KMT2B: variants seen among roughly 807,000 people sequenced by gnomAD.
The protein encoded by KMT2B is histone-lysine N-methyltransferase 2B.
In KMT2B, 22 loss-of-function variants were observed where a neutral mutation model predicts 255.3. The observed-to-expected ratio is 0.09, with a 90% CI of 0.06 to 0.12. The LOEUF (loss-of-function observed/expected upper bound fraction) is 0.12, where lower values mean the gene tolerates loss of function less well. Among genes scored for constraint, KMT2B ranks in the 10% least tolerant of loss-of-function variants. The pLI is 1.00. For synonymous variants in KMT2B, 1,730 were observed against 1,498.1 expected, an observed-to-expected ratio of 1.15 and a Z score of -3.57; for missense variants, 3,149 against 3,737.0, an observed-to-expected ratio of 0.84 and a Z score of 4.10.
chr19:35,738,401 C>A lies in KMT2B; in HGVS notation c.7992C>A (p.Ile2664=), dbSNP rs766745514. 6.2e-7 allele frequency: 1 copy of A among 1,614,156 alleles called. No individual in the cohort carries two copies. The highest frequency in any genetic ancestry group is 1.1e-5 in the South Asian group (1 of 91,088). ...SCEPNCFSRV[I]HVEGQKHIVI... ...AGCCCAACTGCTTCTCTCGGGTCAT[C>A]CACGTGGAGGGCCAGAAACACATTG... The change falls in exon 37 of 37, where the codon ATC becomes ATA. Residue 2664 remains isoleucine (I), a synonymous_variant. Transcript: ENST00000420124. This position sits in a 1 kb window ranked among gnomAD's most constrained non-coding sequence, Gnocchi z 8.7.
intron 30 of KMT2B, chr19:35,736,316 G>A: frequency 5.3e-6 from 1 of 189,312 alleles, no homozygotes; most frequent in East Asian, 1.3e-4. Flanking sequence ...AAATAGATGT[G>A]CAAAATACAA....
Position 35,722,488 on chromosome 19 carries a change from A to C in KMT2B, c.2571+16A>C, listed in dbSNP as rs779814951. On this transcript the variant is annotated intron_variant, in intron 4 of 36. Coordinates refer to ENST00000420124, the MANE Select transcript of KMT2B (RefSeq NM_014727.3). ...GCGGCCCTCAGTATGCATCGGGAGGAGGGCCCTGAAGAAGACTGGCGGGAG... is the reference window on the plus strand; with the variant it reads ...GCGGCCCTCAGTATGCATCGGGAGGCGGGCCCTGAAGAAGACTGGCGGGAG... The C allele has an allele frequency of 6.2e-7, 1 of 1,605,134 alleles. No individual in the cohort carries two copies. Among genetic ancestry groups the C allele is most frequent in the Admixed American group, 1.7e-5 (1 of 59,784 alleles).
Position 35,727,847 on chromosome 19 carries a change from G to A in KMT2B, c.4393-34G>A. 6.2e-7 allele frequency: 1 copy of A among 1,612,324 alleles called. No individual in the cohort carries two copies. Among genetic ancestry groups the A allele is most frequent in the Non-Finnish European group, 8.5e-7 (1 of 1,178,612 alleles). On this transcript the variant is annotated intron_variant, in intron 17 of 36. Transcript: ENST00000420124. The surrounding 1 kb of genome is among the most constrained non-coding windows in gnomAD (Gnocchi z 4.2). Reference sequence around the variant, plus strand: ...AGGAGGAGAGGGCTGGAATTGTGCAGAGGGGACTCAGTCTCTGACAAACCC... The same window carrying A: ...AGGAGGAGAGGGCTGGAATTGTGCAAAGGGGACTCAGTCTCTGACAAACCC...
rs775330360 is a variant in KMT2B at position 35,721,059 on chromosome 19, C to T, written c.1712C>T (p.Pro571Leu). The change falls in exon 3 of 37, where the codon CCA (proline) becomes CTA (leucine). Residue 571 changes from proline to leucine, a missense_variant. Pro to Leu is a moderately conservative substitution (Grantham distance 98). Transcript: ENST00000420124. ...PVLRPPITTS[P>L]PVPQEPAPVP... ...CTGCGACCTCCCATTACCACCTCCC[C>T]ACCTGTTCCCCAGGAGCCAGCACCA... The T allele has an allele frequency of 6.2e-7, 1 of 1,610,738 alleles. No individual in the cohort carries two copies. The highest frequency in any genetic ancestry group is 1.1e-5 in the South Asian group (1 of 90,290).
At position 35,738,036 on chromosome 19, in the gene KMT2B, A is replaced by G; in HGVS notation, c.7743-26A>G. 1 of 1,613,702 alleles carries G rather than the reference A, an allele frequency of 6.2e-7. No homozygotes were observed. The highest frequency in any genetic ancestry group is 1.3e-5 in the African/African-American group (1 of 74,970). On this transcript the variant is annotated intron_variant, in intron 35 of 36. Coordinates refer to ENST00000420124, the MANE Select transcript of KMT2B (RefSeq NM_014727.3). The surrounding 1 kb of genome is among the most constrained non-coding windows in gnomAD (Gnocchi z 8.7). Reference sequence around the variant, plus strand: ...CTGGTTTCTGTCCCCCTCCCCCCTGAGTTCCCTGTTCATCCTGCCCTGCAG... The same window carrying G: ...CTGGTTTCTGTCCCCCTCCCCCCTGGGTTCCCTGTTCATCCTGCCCTGCAG...
chr19:35,732,977 C>G lies in KMT2B; in HGVS notation c.6428C>G (p.Ala2143Gly). 1.2e-6 allele frequency: 2 copies of G among 1,602,664 alleles called. No individual in the cohort carries two copies. Among genetic ancestry groups the G allele is most frequent in the Non-Finnish European group, 1.7e-6 (2 of 1,175,396 alleles). The change falls in exon 28 of 37, where the codon GCT (alanine) becomes GGT (glycine). Residue 2143 changes from alanine (A) to glycine (G), a missense_variant. Physicochemically the swap from Ala to Gly is moderately conservative, Grantham distance 60. This residue lies in a region of KMT2B where 897 missense variants were observed against 825.3 expected (regional missense o/e 1.09). Coordinates refer to ENST00000420124, the MANE Select transcript of KMT2B (RefSeq NM_014727.3). ...TCACTCCCCCCGGCGCCTCCCCTGG[C>G]TAATGGCAGCCAGCCCTCCCAAGGC... Reference protein sequence around the residue: ...EESLPPAPPLANGSQPSQGLT... With the variant: ...EESLPPAPPLGNGSQPSQGLT...
Position 35,728,112 on chromosome 19 carries a change from G to C in KMT2B, c.4512G>C (p.Ala1504=), listed in dbSNP as rs371795012. 1.3e-6 allele frequency: 2 copies of C among 1,597,918 alleles called. No individual in the cohort carries two copies. The highest frequency in any genetic ancestry group is 1.3e-5 in the African/African-American group (1 of 74,518). Residue 1504 remains alanine (A), a synonymous_variant, in exon 19 of 37, where the codon GCG becomes GCC. Transcript: ENST00000420124. ...CCACTCCCCAGCTGCTAGAATCTGCGTTCGGCTGGTTCGACGCCCACGACC... is the reference window on the plus strand; with the variant it reads ...CCACTCCCCAGCTGCTAGAATCTGCCTTCGGCTGGTTCGACGCCCACGACC... The part of the protein sequence containing the change: ...KGLLLKLLES[A]FGWFDAHDPK...
chr19:35,724,358 T>C (rs923984113), intron 8 of KMT2B, among the ~76,000 whole-genome samples: 1 of 152,092 alleles, frequency 6.6e-6, no homozygotes. Flanking sequence ...GTTAGTTGTA[T>C]GTGGTGGCAC....
At position 35,719,778 on chromosome 19, in the gene KMT2B, T is replaced by C. The variant is rs753578199; in HGVS notation, c.437-6T>C. ...ATCCATCTCCCCACAACTATTCTCC[T>C]TTTAGGTCGAGCGCCCCGAGGTCGG... On this transcript the variant is annotated splice_region_variant and splice_polypyrimidine_tract_variant and intron_variant, in intron 2 of 36. Coordinates refer to ENST00000420124, the MANE Select transcript of KMT2B (RefSeq NM_014727.3). The C allele has an allele frequency of 2.3e-5, 37 of 1,578,970 alleles. No individual in the cohort carries two copies. Among genetic ancestry groups the C allele is most frequent in the Non-Finnish European group, 2.9e-5 (34 of 1,163,756 alleles).
Position 35,732,027 on chromosome 19 carries a change from C to T in KMT2B, c.5557C>T (p.Pro1853Ser), listed in dbSNP as rs1969716532. The change falls in exon 27 of 37, where the codon CCT becomes TCT. Residue 1853 changes from proline (P) to serine (S), a missense_variant. This residue lies in a region of KMT2B where 897 missense variants were observed against 825.3 expected (regional missense o/e 1.09). Transcript: ENST00000420124. ...ACTGCGGCCAGATTCAGGCAGCGCC[C>T]CTCCTCCAGCCCCCCGTTCTTTTTC... The part of the protein sequence containing the change: ...PPLRPDSGSA[P>S]PPAPRSFSGA... 3 of 1,613,186 alleles carry T rather than the reference C, an allele frequency of 1.9e-6. No homozygotes were observed. The highest frequency in any genetic ancestry group is 2.2e-5 in the East Asian group (1 of 44,844).
intron 30 of KMT2B, chr19:35,735,229 G>A (rs1043737410): frequency 2.0e-5 from 3 of 152,490 alleles, no homozygotes; most frequent in African/African-American, 7.2e-5. Context: ...TTGGGGCAGG[G>A]GAGGTGGGGC....
intron 30 of KMT2B, chr19:35,736,440 C>A: frequency 1.9e-6 from 1 of 519,650 alleles, no homozygotes; most frequent in South Asian, 2.4e-5. Context: ...CAAAAGGCCC[C>A]AAGCCTCTGT....
chr19:35,733,139 TG>T lies in KMT2B; in HGVS notation c.6594del (p.Gln2199LysfsTer4). ...TCCAAAATCATACTTGTCAACAAGC[TG>T]GGGCAAGTATTTGTGAAGATGGCTG... is the stretch of plus-strand genomic sequence containing the variant. ...ATSKIILVNK[L>X]GQVFVKMAGE... On this transcript the variant is annotated frameshift_variant, in exon 28 of 37. Coordinates refer to ENST00000420124, the MANE Select transcript of KMT2B (RefSeq NM_014727.3). LOFTEE classifies it high-confidence loss of function. This position sits in a 1 kb window ranked among gnomAD's most constrained non-coding sequence, Gnocchi z 4.3. 1 of 1,586,866 alleles carries T rather than the reference TG, an allele frequency of 6.3e-7. No individual in the cohort carries two copies. Among genetic ancestry groups the T allele is most frequent in the Non-Finnish European group, 8.6e-7 (1 of 1,166,280 alleles).
At chr19:35,736,643 G>C (rs1328389423) in intron 30 of KMT2B, 47 bp from the exon 31 acceptor site, 2 of 1,604,246 alleles carry the variant, frequency 1.2e-6, no homozygotes, top group Admixed American at 3.4e-5. Context: ...AGGGGCTTTT[G>C]AGTCCGGGAA....
Position 35,725,340 on chromosome 19 carries a change from T to G in KMT2B, c.3642+7T>G. The G allele has an allele frequency of 6.4e-7, 1 of 1,558,172 alleles. No homozygotes were observed. Among genetic ancestry groups the G allele is most frequent in the Non-Finnish European group, 8.7e-7 (1 of 1,152,454 alleles). ...CAGCAAAGGACTCCACGAGGTTAGATCTCTGCCTTTCTTCACAGACCCCCA... is the reference window on the plus strand; with the variant it reads ...CAGCAAAGGACTCCACGAGGTTAGAGCTCTGCCTTTCTTCACAGACCCCCA... On this transcript the variant is annotated splice_region_variant and intron_variant, in intron 11 of 36. Transcript: ENST00000420124. The surrounding 1 kb of genome is among the most constrained non-coding windows in gnomAD (Gnocchi z 4.1).
Position 35,737,515 on chromosome 19 carries a change from C to T in KMT2B, c.7551-121C>T, listed in dbSNP as rs921114753. On this transcript the variant is annotated intron_variant, in intron 33 of 36. Coordinates refer to ENST00000420124, the MANE Select transcript of KMT2B (RefSeq NM_014727.3). This position sits in a 1 kb window ranked among gnomAD's most constrained non-coding sequence, Gnocchi z 5.3. ...TAGGCAACATGGCAAAACCCCATCT[C>T]TAAAATAAAAATTTAAAAAAGTTAT... 3 of 807,610 alleles carry T rather than the reference C, an allele frequency of 3.7e-6. No homozygotes were observed. The highest frequency in any genetic ancestry group is 3.5e-5 in the African/African-American group (2 of 57,564). The allele number at this position is 807,610 out of a possible 1,614,324, so 50.0% of individuals were successfully genotyped here. A position where few individuals can be genotyped will look rare whatever the true frequency, so the allele number is the denominator to read the frequency against.
intron 30 of KMT2B, among the ~76,000 whole-genome samples, chr19:35,734,898 A>C (rs1466376354): frequency 1.3e-5 from 2 of 152,282 alleles, no homozygotes; most frequent in East Asian, 3.9e-4. Context: ...GTGGATTGAG[A>C]GTGCTTAACT....
intron 26 of KMT2B, 89 bp downstream of exon 26, chr19:35,730,956 C>T: frequency 7.2e-7 from 1 of 1,394,096 alleles, no homozygotes; most frequent in Non-Finnish European, 9.5e-7. Context: ...TTGGAAAGTC[C>T]AGGAGGCTTG....
In KMT2B at chr19:35,721,407, C is replaced by T. The variant is rs576228442; in HGVS notation, c.2060C>T (p.Ser687Phe). 1.2e-6 allele frequency: 2 copies of T among 1,610,920 alleles called. No individual in the cohort carries two copies. Among genetic ancestry groups the T allele is most frequent in the African/African-American group, 2.7e-5 (2 of 74,950 alleles). ...CCAGAGCCTCCTCCTGCCGATGACT[C>T]TCCAGCTGAGCCTGAGCCTCGGGCA... ...PEPEPPPADD[S>F]PAEPEPRAVG... The change falls in exon 3 of 37, where the codon TCT (serine) becomes TTT (phenylalanine). Residue 687 changes from serine (S) to phenylalanine (F), a missense_variant. Physicochemically the swap from Ser to Phe is radical, Grantham distance 155. Around this residue, in one of 18 missense-constraint regions of KMT2B, gnomAD observed 1,188 missense variants for 1,106.4 expected, o/e 1.07. Coordinates refer to ENST00000420124, the MANE Select transcript of KMT2B (RefSeq NM_014727.3).
Sources: allele counts gnomAD v4.1 joint callset (sites outside exome capture counted in the v4.1 genomes callset), GRCh38; gene constraint gnomAD v4.1.1; regional missense constraint gnomAD v4.1.1; non-coding constraint Gnocchi (gnomAD v3.1); transcripts MANE v1.5; gene names NCBI Gene and HGNC (gene_info 2026-07-23, HGNC 2026-07-21).